Variants in PDE1C observed in about 807,000 individuals in gnomAD.
The protein encoded by PDE1C is dual specificity calcium/calmodulin-dependent 3',5'-cyclic nucleotide phosphodiesterase 1C.
In PDE1C, 62 loss-of-function variants were observed where a neutral mutation model predicts 93.1. That is an observed-to-expected ratio of 0.67 (90% CI 0.54 to 0.82). The LOEUF (loss-of-function observed/expected upper bound fraction) is 0.82. Ranked by LOEUF, PDE1C falls within the 40% of genes least tolerant of loss-of-function variation. The probability of loss-of-function intolerance (pLI) is 0.00; values close to 1 mark genes in which losing one functional copy is unlikely to be tolerated. For missense variants in PDE1C, 742 were observed against 884.6 expected (o/e 0.84, Z 2.04); for synonymous variants, 325 against 310.1 (o/e 1.05, Z -0.50).
At chr7:31,643,476 T>C in the PDE1C span, 1 of 1,613,990 alleles carries the variant, frequency 6.2e-7, no homozygotes, top group Non-Finnish European at 8.5e-7. Context: ...CTCTAAATAC[T>C]GGCAGCTCCA....
At chr7:31,830,816 G>A (rs377765476) in intron 11 of PDE1C, among the ~76,000 whole-genome samples, 3 of 152,176 alleles carry the variant, frequency 2.0e-5, no homozygotes, top group African/African-American at 7.2e-5. Flanking sequence ...ATGTAGACAA[G>A]CACTTTGGAA....
At chr7:32,138,948 A>G (rs1450241912) in intron 3 of PDE1C, among the ~76,000 whole-genome samples, 1 of 152,180 alleles carries the variant, frequency 6.6e-6, no homozygotes, top group Non-Finnish European at 1.5e-5. Flanking sequence ...GCAATGATGG[A>G]AATGTTTCAT....
chr7:31,676,629 T>G, the PDE1C span, among the ~76,000 whole-genome samples: 5 of 151,974 alleles, frequency 3.3e-5, no homozygotes, highest in Non-Finnish European at 7.4e-5. Context: ...ATAATTAATT[T>G]CTAACTCCAA....
chr7:31,997,849 G>A (rs1027018127), intron 2 of PDE1C, among the ~76,000 whole-genome samples: 1 of 152,216 alleles, frequency 6.6e-6, no homozygotes, highest in East Asian at 1.9e-4. Context: ...CTTAGACAAC[G>A]ATGAATTGGG....
Position 31,946,788 on chromosome 7 carries a change from G to A in PDE1C, c.129-65928C>T, listed in dbSNP as rs118104428. ...CTTTTCTCATTCTTTTGACTCCACC[G>A]GACTTTGTCGCCCCCATGGCCTGGT... On this transcript the variant is annotated intron_variant, in intron 2 of 17. Transcript: ENST00000396191. Among the ~76,000 whole-genome samples the A allele has an allele frequency of 6.1e-3, 925 of 152,174 alleles. 2 individuals carry two copies. Among genetic ancestry groups the A allele is most frequent in the Middle Eastern group, 0.027 (8 of 294 alleles).
At chr7:32,317,600 A>G (rs35502423) in intron 1 of PDE1C, among the ~76,000 whole-genome samples, 5,530 of 150,436 alleles carry the variant, frequency 0.037, 146 homozygotes, top group Non-Finnish European at 0.057. Context: ...TTTTTTTTAC[A>G]TTATTAGTGT....
intron 2 of PDE1C, among the ~76,000 whole-genome samples, chr7:32,171,933 T>C (rs915437315): frequency 6.8e-6 from 1 of 148,054 alleles, no homozygotes; most frequent in Non-Finnish European, 1.5e-5. Flanking sequence ...CATGCTAAGG[T>C]AAGAGGTTAA....
intron 2 of PDE1C, among the ~76,000 whole-genome samples, chr7:31,906,780 AAG>A (rs1800647008): frequency 6.6e-6 from 1 of 152,172 alleles, no homozygotes; most frequent in Non-Finnish European, 1.5e-5. Context: ...GACCTTGAAC[AAG>A]CTTTTTAAAT....
chr7:31,755,581 C>A (rs866000779), intron 17 of PDE1C, among the ~76,000 whole-genome samples: 1 of 142,548 alleles, frequency 7.0e-6, no homozygotes, highest in Non-Finnish European at 1.6e-5. Context: ...TCAAAAAAAA[C>A]AAAACAAAAC....
At chr7:32,171,918 T>G (rs780699348) in intron 2 of PDE1C, among the ~76,000 whole-genome samples, 8 of 147,522 alleles carry the variant, frequency 5.4e-5, no homozygotes, top group Non-Finnish European at 1.0e-4. Context: ...GTGGAACAGA[T>G]GTACCATGCT....
rs1798605691 is a variant in PDE1C, at chr7:32,110,961, G to A, written c.308+58824C>T. Among the ~76,000 whole-genome samples the A allele has an allele frequency of 2.6e-5, 4 of 152,278 alleles. No homozygotes were observed. The South Asian group carries it at 8.3e-4, about 32-fold the overall frequency. On this transcript the variant is annotated intron_variant, in intron 3 of 18. Transcript: ENST00000396193. ...GAGGGTGCTGTTAGGGAATGCAAGG[G>A]GAGGCAGTGGACTGACACAAATTAA...
At chr7:31,675,830 A>G in the PDE1C span, among the ~76,000 whole-genome samples, 1 of 152,114 alleles carries the variant, frequency 6.6e-6, no homozygotes, top group African/African-American at 2.4e-5. Flanking sequence ...GCCACTTGTA[A>G]AAGAGAAAGA....
At chr7:32,213,181 C>T (rs1437008235) in intron 1 of PDE1C, among the ~76,000 whole-genome samples, 3 of 152,190 alleles carry the variant, frequency 2.0e-5, no homozygotes, top group Non-Finnish European at 2.9e-5. Flanking sequence ...TTTGGTCTCA[C>T]TATGCTTTCA....
chr7:32,361,642 T>C (rs768746520), intron 1 of PDE1C, among the ~76,000 whole-genome samples: 2 of 152,148 alleles, frequency 1.3e-5, no homozygotes, highest in Non-Finnish European at 2.9e-5. Flanking sequence ...CTCTTCAAGG[T>C]CCACCTCAGC....
At chr7:31,685,130 A>T in the PDE1C span, among the ~76,000 whole-genome samples, 2 of 152,202 alleles carry the variant, frequency 1.3e-5, no homozygotes, top group Non-Finnish European at 2.9e-5. Flanking sequence ...AGTGAAAAAA[A>T]AAAAGCCAAA....
intron 1 of PDE1C, among the ~76,000 whole-genome samples, chr7:32,427,342 G>A (rs1319229222): frequency 6.6e-6 from 1 of 152,074 alleles, no homozygotes; most frequent in East Asian, 1.9e-4. Context: ...GTCCACCTCT[G>A]ACTTCAAATC....
At chr7:32,054,464 C>G (rs891392900) in intron 1 of PDE1C, among the ~76,000 whole-genome samples, 1 of 152,040 alleles carries the variant, frequency 6.6e-6, no homozygotes, top group East Asian at 1.9e-4. Context: ...ATTTTTAGGC[C>G]CCTTGGTCCC....
At chr7:31,680,068 G>A in the PDE1C span, among the ~76,000 whole-genome samples, 1 of 152,198 alleles carries the variant, frequency 6.6e-6, no homozygotes, top group Non-Finnish European at 1.5e-5. Context: ...GCATTAGTCA[G>A]CATATTTTCA....
intron 3 of PDE1C, among the ~76,000 whole-genome samples, chr7:32,117,908 C>T (rs1440269633): frequency 2.0e-5 from 3 of 152,220 alleles, no homozygotes; most frequent in African/African-American, 7.2e-5. Context: ...TTCCCATCCA[C>T]TCTCAAGAGG....
Sources: gnomAD v4.1 joint callset for allele counts (sites outside exome capture counted in the v4.1 genomes callset) on GRCh38, gnomAD v4.1.1 for gene constraint, MANE v1.5 for transcripts, NCBI Gene and HGNC (gene_info 2026-07-23, HGNC 2026-07-21) for gene names.